KAZN: variants seen among roughly 807,000 people sequenced by gnomAD.
The protein encoded by KAZN is kazrin, periplakin interacting protein, also known as kazrin.
KAZN carries 40 observed loss-of-function variants against 87.4 expected under a neutral mutation model. The ratio of observed to expected loss-of-function variants is 0.46; its 90% CI spans 0.36 to 0.60. The LOEUF (loss-of-function observed/expected upper bound fraction) is 0.60, where lower values mean the gene tolerates loss of function less well. Ranked by LOEUF, KAZN falls within the 20% of genes least tolerant of loss-of-function variation. The pLI is 0.00. For missense variants in KAZN, 898 were observed against 1,073.9 expected (o/e 0.84, Z 2.29); for synonymous variants, 466 against 458.3 (o/e 1.02, Z -0.22).
chr1:14,593,270 GA>G (rs1295142262), intron 2 of KAZN, among the ~76,000 whole-genome samples: 1 of 152,226 alleles, frequency 6.6e-6, no homozygotes, highest in East Asian at 1.9e-4. Flanking sequence ...TTGTGGATAT[GA>G]ATTTGTAGGG....
chr1:14,366,876 C>G (rs548587631), intron 2 of KAZN, among the ~76,000 whole-genome samples: 2 of 152,324 alleles, frequency 1.3e-5, no homozygotes, highest in South Asian at 4.1e-4. Flanking sequence ...GTTCAGCATC[C>G]AGGAAAAATC....
At chr1:14,442,919 A>C (rs1289619812) in intron 2 of KAZN, among the ~76,000 whole-genome samples, 1 of 152,138 alleles carries the variant, frequency 6.6e-6, no homozygotes, top group African/African-American at 2.4e-5. Flanking sequence ...CATTTATAGG[A>C]TCACCCTTCT....
At chr1:14,341,163 G>A (rs888108196) in intron 2 of KAZN, among the ~76,000 whole-genome samples, 1 of 1,020 alleles carries the variant, frequency 9.8e-4, no homozygotes. Context: ...AAAGTGTTGG[G>A]ATTAACAGGC....
At chr1:14,189,335 A>T (rs1459897762) in intron 2 of KAZN, among the ~76,000 whole-genome samples, 1 of 152,074 alleles carries the variant, frequency 6.6e-6, no homozygotes, top group Non-Finnish European at 1.5e-5. Context: ...TTCTCCTCCA[A>T]AAGTACAAAA....
intron 1 of KAZN, among the ~76,000 whole-genome samples, chr1:14,806,136 TC>T (rs1413796159): frequency 1.3e-5 from 2 of 152,122 alleles, no homozygotes; most frequent in Non-Finnish European, 2.9e-5. Flanking sequence ...CTGGAGGAAC[TC>T]CCCAGGGTTC....
intron 2 of KAZN, among the ~76,000 whole-genome samples, chr1:14,410,009 T>C (rs1664177490): frequency 6.6e-6 from 1 of 152,164 alleles, no homozygotes; most frequent in Non-Finnish European, 1.5e-5. Flanking sequence ...GGAAGATAGA[T>C]ATGAGGAAAT....
chr1:14,591,768 T>C (rs1676217395), intron 2 of KAZN, among the ~76,000 whole-genome samples: 1 of 152,190 alleles, frequency 6.6e-6, no homozygotes, highest in Non-Finnish European at 1.5e-5. Flanking sequence ...CTCTGCTGTG[T>C]GTCCACACTG....
At chr1:13,984,095 C>G (rs554593339) in intron 1 of KAZN, among the ~76,000 whole-genome samples, 1 of 152,208 alleles carries the variant, frequency 6.6e-6, no homozygotes, top group Non-Finnish European at 1.5e-5. Context: ...ACTACAAGCT[C>G]TGCCTCCCAG....
At chr1:15,083,812 G>A (rs1213900960) in intron 8 of KAZN, among the ~76,000 whole-genome samples, 8 of 152,142 alleles carry the variant, frequency 5.3e-5, no homozygotes, top group Non-Finnish European at 8.8e-5. Flanking sequence ...ACACCATCCT[G>A]CCTCTTGCCA....
chr1:14,154,996 T>TCC (rs1553136611), intron 1 of KAZN, among the ~76,000 whole-genome samples: 21 of 149,744 alleles, frequency 1.4e-4, no homozygotes, highest in South Asian at 4.2e-4. Context: ...CTTCCTTCCT[T>TCC]TTTCTGATGT....
chr1:14,424,278 C>T (rs1410148933), intron 2 of KAZN, among the ~76,000 whole-genome samples: 1 of 152,220 alleles, frequency 6.6e-6, no homozygotes, highest in Non-Finnish European at 1.5e-5. Context: ...CATTACACTT[C>T]ACGTAAGTTG....
chr1:14,458,112 C>T (rs762007860), intron 2 of KAZN, among the ~76,000 whole-genome samples: 1 of 152,062 alleles, frequency 6.6e-6, no homozygotes, highest in African/African-American at 2.4e-5. Context: ...AGAGCCACCA[C>T]GCCCAGTTGA....
intron 2 of KAZN, among the ~76,000 whole-genome samples, chr1:14,311,419 CTTATA>C (rs1387296471): frequency 2.6e-5 from 4 of 152,234 alleles, no homozygotes; most frequent in Admixed American, 1.3e-4. Flanking sequence ...TAGAAATCCC[CTTATA>C]TTATAACCAT....
chr1:14,001,556 G>C (rs1163275454), intron 1 of KAZN, among the ~76,000 whole-genome samples: 1 of 151,978 alleles, frequency 6.6e-6, no homozygotes, highest in African/African-American at 2.4e-5. Flanking sequence ...GACAATCCTA[G>C]GCAAAAAGAA....
intron 3 of KAZN, among the ~76,000 whole-genome samples, chr1:15,037,683 C>T (rs1401476284): frequency 2.0e-5 from 3 of 152,154 alleles, no homozygotes; most frequent in Non-Finnish European, 4.4e-5. Flanking sequence ...CCTCTGCCGG[C>T]CCCTCACCTG....
intron 1 of KAZN, among the ~76,000 whole-genome samples, chr1:14,672,107 G>T (rs1013245376): frequency 1.3e-5 from 2 of 151,946 alleles, no homozygotes; most frequent in East Asian, 3.9e-4. Context: ...TCCCTACAGG[G>T]CTATTTATGA....
At chr1:14,644,465 C>T (rs544655319) in intron 1 of KAZN, among the ~76,000 whole-genome samples, 75 of 151,606 alleles carry the variant, frequency 4.9e-4, no homozygotes, top group Non-Finnish European at 9.1e-4. Context: ...AGGTTCACGC[C>T]ATGCTCCTGC....
intron 1 of KAZN, among the ~76,000 whole-genome samples, chr1:14,677,652 C>T (rs1466092247): frequency 6.6e-6 from 1 of 152,156 alleles, no homozygotes; most frequent in Non-Finnish European, 1.5e-5. Context: ...GCTTTGCAAT[C>T]ACATCATGTG....
intron 2 of KAZN, among the ~76,000 whole-genome samples, chr1:14,377,741 G>A (rs2101037757): frequency 6.6e-6 from 1 of 152,262 alleles, no homozygotes; most frequent in South Asian, 2.1e-4. Flanking sequence ...GAGGTCCCAG[G>A]CATATAGTGA....
Sources: gnomAD v4.1 joint callset for allele counts (sites outside exome capture counted in the v4.1 genomes callset) on GRCh38, gnomAD v4.1.1 for gene constraint, MANE v1.5 for transcripts, NCBI Gene and HGNC (gene_info 2026-07-23, HGNC 2026-07-21) for gene names.